GALNT16: variants seen among roughly 807,000 people sequenced by gnomAD.
GALNT16 encodes the protein polypeptide N-acetylgalactosaminyltransferase 16, also known as UDP-GalNAc:polypeptide N-acetylgalactosaminyltransferase-like protein 1.
A neutral mutation model predicts 76.1 loss-of-function variants in GALNT16; 40 were observed. The observed-to-expected ratio is 0.53, with a 90% CI of 0.41 to 0.68. The LOEUF is 0.68. Ranked by LOEUF, GALNT16 falls within the 30% of genes least tolerant of loss-of-function variation. The pLI, the probability that GALNT16 is intolerant of heterozygous loss-of-function variation, is 0.00. For synonymous variants in GALNT16, 276 were observed against 285.2 expected (o/e 0.97, Z 0.32); for missense variants, 621 against 731.9 (o/e 0.85, Z 1.75).
At chr14:69,356,734 T>C (rs949131856), downstream of GALNT16, 1 of 151,496 alleles carries the variant, frequency 6.6e-6, no homozygotes, top group African/African-American at 2.4e-5. Context: ...TTTTTTTGTA[T>C]TTTTAGTAGA....
In GALNT16 at chr14:69,353,553, T is replaced by C. The variant is rs1418024738; in HGVS notation, c.*1385T>C. ...ACTGTTGGTACCAGGACCCTGGGGGTCTCCCCTACAAAGCAGACCAGCCTG... is the reference window on the plus strand; with the variant it reads ...ACTGTTGGTACCAGGACCCTGGGGGCCTCCCCTACAAAGCAGACCAGCCTG... On this transcript the variant is annotated 3_prime_UTR_variant, in exon 15 of 15. Transcript: ENST00000448469. The C allele has an allele frequency of 6.6e-6, 1 of 151,532 alleles. No individual in the cohort carries two copies. Among genetic ancestry groups the C allele is most frequent in the East Asian group, 1.9e-4 (1 of 5,152 alleles). The allele number at this position is 151,532 out of a possible 1,614,324, so 9.4% of individuals were successfully genotyped here.
At chr14:69,345,448 C>G (rs1594868532) in intron 12 of GALNT16, among the ~76,000 whole-genome samples, 1 of 152,296 alleles carries the variant, frequency 6.6e-6, no homozygotes, top group Non-Finnish European at 1.5e-5. Context: ...CTGGTTTGGT[C>G]TAGATCCTGC....
chr14:69,290,031 G>A (rs183292133), intron 1 of GALNT16, among the ~76,000 whole-genome samples: 4 of 152,216 alleles, frequency 2.6e-5, no homozygotes, highest in Admixed American at 6.5e-5. Context: ...AAGCCACCAC[G>A]CCTGGCCTGT....
the GALNT16 span, chr14:69,380,748 A>G: frequency 1.6e-6 from 1 of 618,702 alleles, no homozygotes. Flanking sequence ...CACATTTCCA[A>G]AAATGAACTT....
At chr14:69,385,224 A>G in the GALNT16 span, among the ~76,000 whole-genome samples, 1 of 152,308 alleles carries the variant, frequency 6.6e-6, no homozygotes, top group African/African-American at 2.4e-5. Context: ...ACTAGGAAAA[A>G]AATCCCATGA....
At chr14:69,299,428 A>G (rs1442433540) in intron 1 of GALNT16, among the ~76,000 whole-genome samples, 10 of 152,194 alleles carry the variant, frequency 6.6e-5, no homozygotes, top group African/African-American at 2.4e-4. Context: ...CGCAAGGCAC[A>G]CAGGATGGTG....
At chr14:69,326,165 C>T (rs1039482987) in intron 5 of GALNT16, 138 bp downstream of exon 5, 1 of 716,048 alleles carries the variant, frequency 1.4e-6, no homozygotes, top group Admixed American at 2.0e-5. Flanking sequence ...CCAGGTTCTG[C>T]AGAAGACTCT....
Position 69,339,622 on chromosome 14 carries a change from G to C in GALNT16, c.1187+3G>C. 6.3e-7 allele frequency: 1 copy of C among 1,575,648 alleles called. No homozygotes were observed. The highest frequency in any genetic ancestry group is 8.7e-7 in the Non-Finnish European group (1 of 1,151,522). ...GCCATCGGGAAGGCCTTCGGCAGGT[G>C]GGCCCCCCCAGCTCCACTGTCTGAC... On this transcript the variant is annotated splice_donor_region_variant and intron_variant, in intron 11 of 14. Transcript: ENST00000448469.
At chr14:69,283,771 T>C (rs1293929920) in intron 1 of GALNT16, among the ~76,000 whole-genome samples, 1 of 152,206 alleles carries the variant, frequency 6.6e-6, no homozygotes, top group Non-Finnish European at 1.5e-5. Flanking sequence ...CAACACTTAG[T>C]AAGTGCTGCA....
intron 11 of GALNT16, among the ~76,000 whole-genome samples, chr14:69,340,949 A>G (rs1201135467): frequency 6.6e-6 from 1 of 152,190 alleles, no homozygotes; most frequent in African/African-American, 2.4e-5. Flanking sequence ...AAACACTATT[A>G]ATGATGATCA....
At chr14:69,276,758 A>G (rs1172273111) in intron 1 of GALNT16, among the ~76,000 whole-genome samples, 1 of 152,166 alleles carries the variant, frequency 6.6e-6, no homozygotes, top group Non-Finnish European at 1.5e-5. Context: ...GTGGCAGTGC[A>G]AGTAATAGTA....
At position 69,338,689 on chromosome 14, in the gene GALNT16, G is replaced by T; in HGVS notation, c.1006G>T (p.Glu336Ter). The change falls in exon 10 of 15, where the codon GAG becomes TAG. Residue 336 changes from glutamate to a stop codon, truncating the protein, a stop_gained. Coordinates refer to ENST00000448469, the MANE Select transcript of GALNT16 (RefSeq NM_001168368.2). LOFTEE classifies it high-confidence loss of function. ...FRVWMCGGSLEIVPCSRVGHV... is the reference protein window; with the variant it reads ...FRVWMCGGSL ...GGTGTGGATGTGTGGTGGCAGTCTG[G>T]AGATCGTCCCCTGCAGCCGGGTGGG... is the stretch of plus-strand genomic sequence containing the variant. 6.2e-7 allele frequency: 1 copy of T among 1,613,696 alleles called. No homozygotes were observed. Among genetic ancestry groups the T allele is most frequent in the Non-Finnish European group, 8.5e-7 (1 of 1,179,856 alleles).
intron 1 of GALNT16, among the ~76,000 whole-genome samples, chr14:69,272,648 C>T (rs2331958): frequency 0.072 from 10,969 of 152,230 alleles, 695 homozygotes; most frequent in East Asian, 0.24. Flanking sequence ...TCACTCATCA[C>T]GCACTCACTG....
chr14:69,359,841 G>A (rs1284287402), downstream of GALNT16, among the ~76,000 whole-genome samples: 2 of 151,632 alleles, frequency 1.3e-5, no homozygotes, highest in Non-Finnish European at 2.9e-5. Flanking sequence ...CCTGGCTAAT[G>A]TGGTGAAACC....
At chr14:69,291,476 C>G (rs574508481) in intron 1 of GALNT16, among the ~76,000 whole-genome samples, 27 of 152,270 alleles carry the variant, frequency 1.8e-4, no homozygotes, top group African/African-American at 6.5e-4. Context: ...TTGACAAGGA[C>G]ACAACCCAGT....
intron 1 of GALNT16, among the ~76,000 whole-genome samples, chr14:69,319,640 A>G (rs1256216723): frequency 6.6e-6 from 1 of 152,250 alleles, no homozygotes; most frequent in Non-Finnish European, 1.5e-5. Flanking sequence ...TGTTAATTTC[A>G]GATGTGTCCT....
chr14:69,312,831 G>C (rs889570100), intron 1 of GALNT16, among the ~76,000 whole-genome samples: 1 of 152,122 alleles, frequency 6.6e-6, no homozygotes, highest in Non-Finnish European at 1.5e-5. Context: ...GCTGTGTGCC[G>C]GGCACCAGAG....
chr14:69,292,812 G>C (rs149007918), intron 1 of GALNT16, among the ~76,000 whole-genome samples: 3 of 152,216 alleles, frequency 2.0e-5, no homozygotes, highest in African/African-American at 7.2e-5. Flanking sequence ...GTCCCTCCAG[G>C]CTGATGACAG....
At chr14:69,315,284 A>C (rs1147473) in intron 1 of GALNT16, among the ~76,000 whole-genome samples, 9,969 of 152,314 alleles carry the variant, frequency 0.065, 609 homozygotes, top group East Asian at 0.32. Context: ...TCATTATTTC[A>C]ACTTAAACCA....
Sources: gnomAD v4.1 joint callset for allele counts (sites outside exome capture counted in the v4.1 genomes callset) on GRCh38, gnomAD v4.1.1 for gene constraint, MANE v1.5 for transcripts, NCBI Gene and HGNC (gene_info 2026-07-23, HGNC 2026-07-21) for gene names.